Variants in DHX29 observed in about 807,000 individuals in gnomAD.
DHX29 encodes ATP-dependent RNA helicase DHX29.
DHX29 carries 79 observed loss-of-function variants against 167.9 expected under a neutral mutation model. The observed-to-expected ratio is 0.47, with a 90% CI of 0.39 to 0.57. The LOEUF is 0.57. DHX29 is among the 20% of genes least tolerant of loss of function. The pLI, the probability that DHX29 is intolerant of heterozygous loss-of-function variation, is 0.00. For missense variants in DHX29, 1,347 were observed against 1,593.4 expected, an observed-to-expected ratio of 0.85 and a Z score of 2.63; for synonymous variants, 530 against 546.0, an observed-to-expected ratio of 0.97 and a Z score of 0.41.
intron 12 of DHX29, among the ~76,000 whole-genome samples, chr5:55,279,924 T>C (rs957064187): frequency 6.6e-6 from 1 of 151,652 alleles, no homozygotes; most frequent in Admixed American, 6.6e-5. Flanking sequence ...ATAGAGCAAA[T>C]AAAAATGCAT....
At chr5:55,270,373 G>A in intron 20 of DHX29, 39 bp downstream of exon 20, 8 of 1,555,334 alleles carry the variant, frequency 5.1e-6, no homozygotes, top group Non-Finnish European at 6.9e-6. Context: ...TCTAGAAAGG[G>A]GCGAAGGACA....
intron 1 of DHX29, among the ~76,000 whole-genome samples, chr5:55,305,303 AGAT>A (rs559034028): frequency 4.0e-4 from 61 of 152,376 alleles, no homozygotes; most frequent in African/African-American, 1.3e-3. Context: ...AGGTTTTGGT[AGAT>A]GATGTTAGGG....
In DHX29 at chr5:55,270,595, T is replaced by G; in HGVS notation, c.2976A>C (p.Arg992=). Residue 992 remains arginine, a synonymous_variant, in exon 19 of 27, where the codon CGA becomes CGC. Transcript: ENST00000251636. Reference sequence around the variant, plus strand: ...TGCCATACCTTTCTCTTGTGTACATTCGGAAACAGAAGCCATCTCTGACCC... The same window carrying G: ...TGCCATACCTTTCTCTTGTGTACATGCGGAAACAGAAGCCATCTCTGACCC... ...AGRVRDGFCF[R]MYTRERFEGF... 2.5e-6 allele frequency: 4 copies of G among 1,614,214 alleles called. No homozygotes were observed. The highest frequency in any genetic ancestry group is 2.5e-6 in the Non-Finnish European group (3 of 1,180,042).
intron 8 of DHX29, among the ~76,000 whole-genome samples, chr5:55,287,938 GAAA>G (rs1247600043): frequency 3.7e-5 from 3 of 81,746 alleles, no homozygotes; most frequent in African/African-American, 9.1e-5. Flanking sequence ...TGGAAAAAAA[GAAA>G]AAAAAAAAAA....
At position 55,289,284 on chromosome 5, in the gene DHX29, G is replaced by T; in HGVS notation, c.1052C>A (p.Thr351Asn). ...FNLFEKSAAA[T>N]EEEKDKKKEP... is the part of the protein sequence containing the mutation. ...CTTAATTTTACCTTTCTCTTCTTCA[G>T]TAGCAGCTGCAGATTTTTCAAATAA... Residue 351 changes from threonine (T) to asparagine (N), a missense_variant, in exon 8 of 27, where the codon ACT (threonine) becomes AAT (asparagine). Physicochemically the swap from Thr to Asn is moderately conservative, Grantham distance 65. Transcript: ENST00000251636. 2 of 1,569,682 alleles carry T rather than the reference G, an allele frequency of 1.3e-6. No homozygotes were observed. The highest frequency in any genetic ancestry group is 1.2e-5 in the South Asian group (1 of 82,162).
chr5:55,290,197 T>C (rs766098287), intron 7 of DHX29, 21 bp downstream of exon 7: 5 of 1,596,598 alleles, frequency 3.1e-6, no homozygotes, highest in Non-Finnish European at 3.4e-6. Context: ...TTTATACATC[T>C]AAGTATTTGA....
At chr5:55,273,653 T>C (rs1204806073) in intron 16 of DHX29, among the ~76,000 whole-genome samples, 1 of 152,182 alleles carries the variant, frequency 6.6e-6, no homozygotes, top group African/African-American at 2.4e-5. Flanking sequence ...ATAAACTCTA[T>C]CAAAACATAT....
intron 4 of DHX29, 102 bp downstream of exon 4, chr5:55,296,118 T>C: frequency 1.6e-6 from 2 of 1,243,104 alleles, no homozygotes; most frequent in Non-Finnish European, 2.2e-6. Context: ...AGTAAATAAT[T>C]ATGACAGTGA....
rs1488942490 is a variant in DHX29 at position 55,270,617 on chromosome 5, A to G, written c.2954T>C (p.Val985Ala). Reference protein sequence around the residue: ...ALQRQGRAGRVRDGFCFRMYT... With the variant: ...ALQRQGRAGRARDGFCFRMYT... Reference sequence around the variant, plus strand: ...CATTCGGAAACAGAAGCCATCTCTGACCCGCCCAGCTCTTCCCTGGCGCTG... The same window carrying G: ...CATTCGGAAACAGAAGCCATCTCTGGCCCGCCCAGCTCTTCCCTGGCGCTG... The change falls in exon 19 of 27, where the codon GTC becomes GCC. Residue 985 changes from valine to alanine, a missense_variant. Physicochemically the swap from Val to Ala is moderately conservative, Grantham distance 64 (BLOSUM62 0). Transcript: ENST00000251636. 1 of 1,614,188 alleles carries G rather than the reference A, an allele frequency of 6.2e-7. No homozygotes were observed. Among genetic ancestry groups the G allele is most frequent in the Admixed American group, 1.7e-5 (1 of 60,014 alleles).
chr5:55,259,819 T>C (rs780217388), intron 26 of DHX29, 29 bp downstream of exon 26: 3 of 1,306,676 alleles, frequency 2.3e-6, no homozygotes, highest in African/African-American at 1.5e-5. Context: ...TATGTGTATA[T>C]GGTCTTTCAC....
intron 6 of DHX29, among the ~76,000 whole-genome samples, chr5:55,293,491 T>A (rs1579809567): frequency 6.6e-6 from 1 of 152,180 alleles, no homozygotes; most frequent in Non-Finnish European, 1.5e-5. Flanking sequence ...GATGGATATA[T>A]AGTGTATCTC....
At chr5:55,257,917 G>A (rs1015907565) in intron 26 of DHX29, among the ~76,000 whole-genome samples, 2 of 152,178 alleles carry the variant, frequency 1.3e-5, no homozygotes, top group African/African-American at 4.8e-5. Context: ...AGCTTCCTGA[G>A]AAAAGAGCCC....
chr5:55,264,037 G>A (rs1746434747), intron 23 of DHX29, among the ~76,000 whole-genome samples: 1 of 151,904 alleles, frequency 6.6e-6, no homozygotes, highest in Non-Finnish European at 1.5e-5. Flanking sequence ...GCTCACACCT[G>A]TAATCCTAGC....
At chr5:55,280,116 T>C (rs1747327627) in intron 12 of DHX29, among the ~76,000 whole-genome samples, 1 of 152,190 alleles carries the variant, frequency 6.6e-6, no homozygotes, top group Non-Finnish European at 1.5e-5. Context: ...TATAATGTCA[T>C]GGACTTTGTC....
At chr5:55,258,345 T>C (rs969616892) in intron 26 of DHX29, among the ~76,000 whole-genome samples, 1 of 152,222 alleles carries the variant, frequency 6.6e-6, no homozygotes, top group Non-Finnish European at 1.5e-5. Context: ...ATGTGGGACA[T>C]TCTACCAGAA....
chr5:55,287,059 G>A (rs754990340), intron 8 of DHX29, among the ~76,000 whole-genome samples: 7 of 152,162 alleles, frequency 4.6e-5, no homozygotes, highest in Admixed American at 4.6e-4. Flanking sequence ...TTGTAATTAC[G>A]TATTGTATAT....
intron 11 of DHX29, 134 bp from the exon 12 acceptor site, chr5:55,281,649 T>C: frequency 2.2e-6 from 1 of 449,652 alleles, no homozygotes; most frequent in Non-Finnish European, 3.7e-6. Flanking sequence ...TTTATTATAT[T>C]AGTAATTATT....
chr5:55,271,182 G>C (rs1056791090), intron 18 of DHX29, among the ~76,000 whole-genome samples: 2 of 152,156 alleles, frequency 1.3e-5, no homozygotes, highest in Non-Finnish European at 2.9e-5. Context: ...CCTAAAACAG[G>C]GGTAGTGTAT....
chr5:55,267,624 T>C (rs1217293655), intron 22 of DHX29, 62 bp downstream of exon 22: 1 of 1,425,966 alleles, frequency 7.0e-7, no homozygotes, highest in East Asian at 2.4e-5. Context: ...AAAGGTAATA[T>C]ATTTTAAAGT....
Sources: gnomAD v4.1 joint callset for allele counts (sites outside exome capture counted in the v4.1 genomes callset) on GRCh38, gnomAD v4.1.1 for gene constraint, MANE v1.5 for transcripts, NCBI Gene and HGNC (gene_info 2026-07-23, HGNC 2026-07-21) for gene names.